Variants in IL37 observed in about 807,000 individuals in gnomAD.
IL37 encodes the protein interleukin-37.
In IL37, 15 loss-of-function variants were observed where a neutral mutation model predicts 15.4. The ratio of observed to expected loss-of-function variants is 0.98; its 90% CI spans 0.65 to 1.50. The LOEUF (loss-of-function observed/expected upper bound fraction) is 1.50, where lower values mean the gene tolerates loss of function less well. Ranked by LOEUF, IL37 falls within the 40% of genes most tolerant of loss-of-function variation. The probability of loss-of-function intolerance (pLI) is 0.00; values close to 1 mark genes in which losing one functional copy is unlikely to be tolerated. For missense variants in IL37, 269 were observed against 261.7 expected, an observed-to-expected ratio of 1.03 and a Z score of -0.19; for synonymous variants, 98 against 97.4, an observed-to-expected ratio of 1.01 and a Z score of -0.03.
At chr2:112,911,347 G>A (rs1683174152) in intron 1 of IL37, among the ~76,000 whole-genome samples, 99 bp downstream of exon 1, 1 of 152,114 alleles carries the variant, frequency 6.6e-6, no homozygotes, top group African/African-American at 2.4e-5. Context: ...ATCCCCACTG[G>A]AAGCACATCT....
rs779569954 is a variant in IL37 at position 112,917,091 on chromosome 2, T to G, written c.146-38T>G. Reference sequence around the variant, plus strand: ...GAAGAAAGGGCTGAGTCTTCCATTTTCAATGTGAAGTGTTGATATCTGGTG... The same window carrying G: ...GAAGAAAGGGCTGAGTCTTCCATTTGCAATGTGAAGTGTTGATATCTGGTG... On this transcript the variant is annotated intron_variant, in intron 3 of 5. Transcript: ENST00000263326. 5 of 1,608,530 alleles carry G rather than the reference T, an allele frequency of 3.1e-6. No homozygotes were observed. In the Admixed American group the frequency reaches 8.4e-5, roughly 27 times the overall value.
rs146730353 is a variant in IL37 at position 112,918,781 on chromosome 2, A to C, written c.629A>C (p.Glu210Ala). The C allele has an allele frequency of 1.2e-6, 2 of 1,614,118 alleles. No individual in the cohort carries two copies. Among genetic ancestry groups the C allele is most frequent in the Non-Finnish European group, 8.5e-7 (1 of 1,180,004 alleles). The part of the protein sequence containing the change: ...EFSFQPVCKA[E>A]MSPSEVSD Reference sequence around the variant, plus strand: ...TCATTTCAACCAGTTTGCAAAGCTGAAATGAGCCCCAGTGAGGTCAGCGAT... The same window carrying C: ...TCATTTCAACCAGTTTGCAAAGCTGCAATGAGCCCCAGTGAGGTCAGCGAT... Residue 210 changes from glutamate to alanine, a missense_variant, in exon 6 of 6, where the codon GAA (glutamate) becomes GCA (alanine). Glu to Ala is a moderately radical substitution (Grantham distance 107). Transcript: ENST00000263326.
Position 112,917,253 on chromosome 2 carries a change from C to G in IL37, c.265+5C>G. 1.2e-6 allele frequency: 2 copies of G among 1,613,612 alleles called. No individual in the cohort carries two copies. Among genetic ancestry groups the G allele is most frequent in the East Asian group, 4.5e-5 (2 of 44,850 alleles). On this transcript the variant is annotated splice_donor_5th_base_variant and intron_variant, in intron 4 of 5. Coordinates refer to ENST00000263326, the MANE Select transcript of IL37 (RefSeq NM_014439.4). ...ATAAAAACTACATACGCCCAGGTGA[C>G]TCTCAGTTTTGGCTGTGTTTTCTGC...
rs1480788526 is a variant in IL37, at chr2:112,918,826, A to G, written c.*17A>G. The G allele has an allele frequency of 6.2e-7, 1 of 1,601,612 alleles. No individual in the cohort carries two copies. The highest frequency in any genetic ancestry group is 2.2e-5 in the East Asian group (1 of 44,586). On this transcript the variant is annotated 3_prime_UTR_variant, in exon 6 of 6. Coordinates refer to ENST00000263326, the MANE Select transcript of IL37 (RefSeq NM_014439.4). The stretch of plus-strand genomic sequence containing the variant: ...AGCGATTAGGAAACTGCCCCATTGA[A>G]CGCCTTCCTCGCTAATTTGAACTAA...
intron 3 of IL37, chr2:112,915,160 T>G (rs1479885564): frequency 1.3e-6 from 2 of 1,598,570 alleles, no homozygotes; most frequent in East Asian, 4.5e-5. Flanking sequence ...AAGAGGATAG[T>G]GAACTAGTCT....
At chr2:112,916,117 T>C (rs936487619) in intron 3 of IL37, among the ~76,000 whole-genome samples, 2 of 152,202 alleles carry the variant, frequency 1.3e-5, no homozygotes, top group Admixed American at 6.5e-5. Context: ...GCTTATGGCA[T>C]GGGAAAAGAA....
chr2:112,912,093 T>C (rs1683189521), intron 1 of IL37, among the ~76,000 whole-genome samples: 1 of 152,174 alleles, frequency 6.6e-6, no homozygotes, highest in Non-Finnish European at 1.5e-5. Context: ...CCTAAACCTT[T>C]CTCAAAGGAT....
In IL37 at chr2:112,918,711, G is replaced by T. The variant is rs1266781848; in HGVS notation, c.559G>T (p.Val187Phe). ...CACCTCCTGCAATTGTAATGAGCCTGTTGGGGTGACAGATAAATTTGAGAA... is the reference window on the plus strand; with the variant it reads ...CACCTCCTGCAATTGTAATGAGCCTTTTGGGGTGACAGATAAATTTGAGAA... ...ICTSCNCNEP[V>F]GVTDKFENRK... is the part of the protein sequence containing the mutation. The change falls in exon 6 of 6, where the codon GTT becomes TTT. Residue 187 changes from valine (V) to phenylalanine (F), a missense_variant. Coordinates refer to ENST00000263326, the MANE Select transcript of IL37 (RefSeq NM_014439.4). 2 of 1,614,142 alleles carry T rather than the reference G, an allele frequency of 1.2e-6. No individual in the cohort carries two copies. Among genetic ancestry groups the T allele is most frequent in the South Asian group, 2.2e-5 (2 of 91,072 alleles).
In IL37 at chr2:112,912,971, C is replaced by T. The variant is rs1203092392; in HGVS notation, c.-42C>T. The stretch of plus-strand genomic sequence containing the variant: ...CCTTTCTATCTCCTTAGGTCTTGGA[C>T]TTCATTCCATTTTCTGTTGAGTAAT... On this transcript the variant is annotated 5_prime_UTR_variant, in exon 2 of 6. Coordinates refer to ENST00000263326, the MANE Select transcript of IL37 (RefSeq NM_014439.4). 3.4e-6 allele frequency: 5 copies of T among 1,472,916 alleles called. No homozygotes were observed. The highest frequency in any genetic ancestry group is 4.6e-6 in the Non-Finnish European group (5 of 1,077,542). 91.2% of individuals were successfully genotyped at this position (1,472,916 alleles called of 1,614,324 possible). A position where few individuals can be genotyped will look rare whatever the true frequency, so the allele number is the denominator to read the frequency against.
In IL37 at chr2:112,912,990, G is replaced by A; in HGVS notation, c.-23G>A. The A allele has an allele frequency of 6.5e-7, 1 of 1,546,528 alleles. No individual in the cohort carries two copies. The highest frequency in any genetic ancestry group is 8.8e-7 in the Non-Finnish European group (1 of 1,142,728). ...CTTGGACTTCATTCCATTTTCTGTT[G>A]AGTAATAAACTCAACGTTGAAAATG... On this transcript the variant is annotated 5_prime_UTR_variant, in exon 2 of 6. Coordinates refer to ENST00000263326, the MANE Select transcript of IL37 (RefSeq NM_014439.4).
intron 3 of IL37, 68 bp from the exon 4 acceptor site, chr2:112,917,061 G>A (rs898007375): frequency 3.7e-5 from 58 of 1,579,210 alleles, no homozygotes; most frequent in Middle Eastern, 1.7e-4. Flanking sequence ...GCCCTTGGAC[G>A]TGGGGAAGAA....
At chr2:112,912,555 C>T (rs779522227) in intron 1 of IL37, among the ~76,000 whole-genome samples, 2 of 152,164 alleles carry the variant, frequency 1.3e-5, no homozygotes, top group Non-Finnish European at 2.9e-5. Context: ...GCTATTGTAG[C>T]CTCGAAGCAG....
At position 112,911,196 on chromosome 2, in the gene IL37, A is replaced by C. The variant is rs932567836; in HGVS notation, c.-103A>C. Reference sequence around the variant, plus strand: ...AGGATCCTGAGAACTGAAGGCAAACAGAGCTCCAGGAGTCCAAGACAGAGC... The same window carrying C: ...AGGATCCTGAGAACTGAAGGCAAACCGAGCTCCAGGAGTCCAAGACAGAGC... On this transcript the variant is annotated 5_prime_UTR_variant, in exon 1 of 6. Coordinates refer to ENST00000263326, the MANE Select transcript of IL37 (RefSeq NM_014439.4). Among the ~76,000 whole-genome samples the C allele has an allele frequency of 1.3e-5, 2 of 152,234 alleles. No individual in the cohort carries two copies. Among genetic ancestry groups the C allele is most frequent in the African/African-American group, 4.8e-5 (2 of 41,456 alleles).
intron 1 of IL37, among the ~76,000 whole-genome samples, 140 bp downstream of exon 1, chr2:112,911,388 C>T (rs1424088446): frequency 6.6e-6 from 1 of 152,156 alleles, no homozygotes; most frequent in African/African-American, 2.4e-5. Flanking sequence ...TGAGACCTGC[C>T]CAGAACACCT....
At chr2:112,917,549 T>C in intron 4 of IL37, 86 bp from the exon 5 acceptor site, 1 of 1,322,776 alleles carries the variant, frequency 7.6e-7, no homozygotes, top group Non-Finnish European at 1.0e-6. Context: ...GGAGAGGGAC[T>C]GTGCATCAGG....
At chr2:112,916,644 G>A (rs1294528335) in intron 3 of IL37, among the ~76,000 whole-genome samples, 1 of 152,138 alleles carries the variant, frequency 6.6e-6, no homozygotes, top group Non-Finnish European at 1.5e-5. Flanking sequence ...TTCCACTCTA[G>A]GCACTGCTGA....
chr2:112,915,393 C>A, intron 3 of IL37: 1 of 700,980 alleles, frequency 1.4e-6, no homozygotes, highest in Non-Finnish European at 2.4e-6. Context: ...TGCCACCCAC[C>A]AGGTGATTCC....
chr2:112,912,657 A>T (rs924346395), intron 1 of IL37, among the ~76,000 whole-genome samples: 3 of 152,266 alleles, frequency 2.0e-5, no homozygotes, highest in Admixed American at 1.3e-4. Context: ...CAAAGGCCAT[A>T]GTGTGCCAGC....
Position 112,918,843 on chromosome 2 carries a change from T to C in IL37, c.*34T>C. On this transcript the variant is annotated 3_prime_UTR_variant, in exon 6 of 6. Coordinates refer to ENST00000263326, the MANE Select transcript of IL37 (RefSeq NM_014439.4). ...CCCATTGAACGCCTTCCTCGCTAATTTGAACTAATTGTATAAAAACACCAA... is the reference window on the plus strand; with the variant it reads ...CCCATTGAACGCCTTCCTCGCTAATCTGAACTAATTGTATAAAAACACCAA... 6.3e-7 allele frequency: 1 copy of C among 1,584,150 alleles called. No individual in the cohort carries two copies. Among genetic ancestry groups the C allele is most frequent in the Middle Eastern group, 1.7e-4 (1 of 5,904 alleles).
Sources: allele counts gnomAD v4.1 joint callset (sites outside exome capture counted in the v4.1 genomes callset), GRCh38; gene constraint gnomAD v4.1.1; transcripts MANE v1.5; gene names NCBI Gene and HGNC (gene_info 2026-07-23, HGNC 2026-07-21).